The following SLIT3 variants were observed in gnomAD, a reference collection of about 807,000 sequenced individuals.
The protein encoded by SLIT3 is slit homolog 3 protein.
SLIT3 carries 68 observed loss-of-function variants against 184.0 expected under a neutral mutation model. The observed-to-expected ratio is 0.37, with a 90% CI of 0.30 to 0.45. The LOEUF is 0.45. Ranked by LOEUF, SLIT3 falls within the 20% of genes least tolerant of loss-of-function variation. The pLI, the probability that SLIT3 is intolerant of heterozygous loss-of-function variation, is 1.00. For missense variants in SLIT3, 1,707 were observed against 2,026.0 expected, an observed-to-expected ratio of 0.84 and a Z score of 3.02; for synonymous variants, 831 against 828.6, an observed-to-expected ratio of 1.00 and a Z score of -0.05.
intron 4 of SLIT3, among the ~76,000 whole-genome samples, chr5:168,905,475 A>C (rs1401794482): frequency 6.6e-6 from 1 of 152,238 alleles, no homozygotes; most frequent in Non-Finnish European, 1.5e-5. Flanking sequence ...ACGATCATGT[A>C]TCTGCAAAGA....
chr5:169,153,071 G>A (rs891142637), intron 4 of SLIT3, among the ~76,000 whole-genome samples: 1 of 152,200 alleles, frequency 6.6e-6, no homozygotes, highest in East Asian at 1.9e-4. Flanking sequence ...TTTCAATCCA[G>A]TTCACATTTC....
chr5:169,126,615 T>C (rs2113301991), intron 4 of SLIT3, among the ~76,000 whole-genome samples: 1 of 152,344 alleles, frequency 6.6e-6, no homozygotes, highest in Non-Finnish European at 1.5e-5. Context: ...CTACATCATC[T>C]GCTTTGCTCA....
At chr5:168,919,959 G>A (rs1761583660) in intron 4 of SLIT3, among the ~76,000 whole-genome samples, 1 of 152,150 alleles carries the variant, frequency 6.6e-6, no homozygotes, top group Non-Finnish European at 1.5e-5. Context: ...TCTGAGAAGA[G>A]TTAATGTCAA....
At chr5:168,985,635 C>T (rs1208328167) in intron 4 of SLIT3, among the ~76,000 whole-genome samples, 1 of 152,210 alleles carries the variant, frequency 6.6e-6, no homozygotes, top group African/African-American at 2.4e-5. Flanking sequence ...AGGCAATTAG[C>T]ATTTCTCATT....
intron 5 of SLIT3, among the ~76,000 whole-genome samples, chr5:168,849,105 C>T (rs534998151): frequency 6.6e-6 from 1 of 152,102 alleles, no homozygotes; most frequent in South Asian, 2.1e-4. Flanking sequence ...CATTTAAGTC[C>T]CCATGAAGAA....
intron 4 of SLIT3, among the ~76,000 whole-genome samples, chr5:169,006,464 C>A (rs1377065740): frequency 6.6e-6 from 1 of 152,090 alleles, no homozygotes; most frequent in Non-Finnish European, 1.5e-5. Flanking sequence ...TCCCCAGCCT[C>A]CCACATTACA....
chr5:168,737,883 G>T (rs1412270212), intron 20 of SLIT3, among the ~76,000 whole-genome samples: 1 of 152,200 alleles, frequency 6.6e-6, no homozygotes, highest in African/African-American at 2.4e-5. Context: ...AAGGACAGTT[G>T]CATGGCAATA....
At chr5:169,164,190 T>C (rs1261643117) in intron 4 of SLIT3, among the ~76,000 whole-genome samples, 17 of 152,212 alleles carry the variant, frequency 1.1e-4, no homozygotes, top group African/African-American at 4.1e-4. Context: ...AGAATTTCCA[T>C]TGCAGGGCCT....
intron 4 of SLIT3, among the ~76,000 whole-genome samples, chr5:169,147,604 C>T (rs552049528): frequency 8.5e-5 from 13 of 152,268 alleles, no homozygotes; most frequent in African/African-American, 2.4e-4. Context: ...GCACTATCCA[C>T]GAGGTTAGGT....
At chr5:168,766,531 C>G (rs1057257248) in intron 14 of SLIT3, among the ~76,000 whole-genome samples, 10 of 152,240 alleles carry the variant, frequency 6.6e-5, no homozygotes, top group Non-Finnish European at 1.0e-4. Flanking sequence ...TCCTAGTAAG[C>G]TATCCCCTTT....
intron 6 of SLIT3, among the ~76,000 whole-genome samples, chr5:168,825,501 T>C (rs1031605885): frequency 4.6e-5 from 7 of 150,726 alleles, no homozygotes; most frequent in Non-Finnish European, 1.0e-4. Flanking sequence ...TGTCTGACAC[T>C]GTTAGGCATA....
intron 16 of SLIT3, among the ~76,000 whole-genome samples, chr5:168,758,967 T>C (rs2337554): frequency 0.8 from 121,508 of 152,246 alleles, 49,296 homozygotes; most frequent in East Asian, 0.95. Context: ...CTTTGTTTCA[T>C]GCATAAAATT....
intron 4 of SLIT3, among the ~76,000 whole-genome samples, chr5:168,953,648 C>A (rs1197837159): frequency 6.6e-6 from 1 of 152,174 alleles, no homozygotes; most frequent in Non-Finnish European, 1.5e-5. Context: ...CACTTTATAG[C>A]CTGTTACCAC....
At chr5:169,137,131 A>T (rs2113331903) in intron 4 of SLIT3, among the ~76,000 whole-genome samples, 1 of 152,212 alleles carries the variant, frequency 6.6e-6, no homozygotes. Flanking sequence ...TCTTCTGTGG[A>T]AGACTCCTTA....
At chr5:169,013,150 A>C (rs1756218283) in intron 4 of SLIT3, 1 of 152,270 alleles carries the variant, frequency 6.6e-6, no homozygotes. Context: ...AAGAAAAGAC[A>C]CGCACATTCT....
chr5:169,107,359 T>C (rs1188783391), intron 4 of SLIT3, among the ~76,000 whole-genome samples: 1 of 152,252 alleles, frequency 6.6e-6, no homozygotes, highest in Non-Finnish European at 1.5e-5. Flanking sequence ...CTCAGCTTTA[T>C]TTAATTTCGT....
At chr5:168,882,591 C>T (rs1581173365) in intron 5 of SLIT3, among the ~76,000 whole-genome samples, 1 of 152,216 alleles carries the variant, frequency 6.6e-6, no homozygotes, top group East Asian at 1.9e-4. Flanking sequence ...TGCCAGTTTC[C>T]TAGTGTTGAT....
chr5:168,844,963 T>C, intron 5 of SLIT3: 1 of 346,756 alleles, frequency 2.9e-6, no homozygotes, highest in South Asian at 5.3e-5. Context: ...TCCAATCCAT[T>C]ACGAGCTCTT....
At chr5:169,121,103 T>A (rs1760856094) in intron 4 of SLIT3, among the ~76,000 whole-genome samples, 1 of 152,208 alleles carries the variant, frequency 6.6e-6, no homozygotes, top group South Asian at 2.1e-4. Context: ...GATTATAACC[T>A]AGATCTGCAT....
Sources: allele counts gnomAD v4.1 joint callset (sites outside exome capture counted in the v4.1 genomes callset), GRCh38; gene constraint gnomAD v4.1.1; transcripts MANE v1.5; gene names NCBI Gene and HGNC (gene_info 2026-07-23, HGNC 2026-07-21).